The following SMARCA2 variants were observed in gnomAD, a reference collection of about 807,000 sequenced individuals.
SMARCA2 encodes the protein SWI/SNF-related matrix-associated actin-dependent regulator of chromatin subfamily A member 2.
Under a neutral mutation model 199.8 loss-of-function variants are expected in SMARCA2, and 61 were observed. The ratio of observed to expected loss-of-function variants is 0.31; its 90% confidence interval spans 0.25 to 0.38. SMARCA2 has a LOEUF of 0.38. Ranked by LOEUF, SMARCA2 falls within the 10% of genes least tolerant of loss-of-function variation. The pLI is 1.00. For synonymous variants in SMARCA2, 935 were observed against 732.0 expected (o/e 1.28, Z -4.48); for missense variants, 1,344 against 2,012.2 (o/e 0.67, Z 6.35).
At chr9:2,063,756 T>A (rs908999821) in intron 9 of SMARCA2, among the ~76,000 whole-genome samples, 2 of 150,926 alleles carry the variant, frequency 1.3e-5, no homozygotes, top group Non-Finnish European at 3.0e-5. Context: ...TTTTTTTAAT[T>A]CCCTAGAAGG....
chr9:2,114,037 G>A lies in SMARCA2; in HGVS notation c.3457-1785G>A, dbSNP rs936565390. ...AACGTTTACTATTGCGCCCATTTTA[G>A]AGACTGTTGGCCTCTGTTCCAGGAG... is the stretch of plus-strand genomic sequence containing the variant. On this transcript the variant is annotated intron_variant, in intron 24 of 33. Coordinates refer to ENST00000349721, the MANE Select transcript of SMARCA2 (RefSeq NM_003070.5). 6.0e-4 allele frequency among the ~76,000 whole-genome samples: 92 copies of A among 152,336 alleles called. 1 individual carries two copies. Among genetic ancestry groups the A allele is most frequent in the African/African-American group, 1.9e-3 (80 of 41,586 alleles).
At chr9:2,111,505 A>AAAAGAAAAGCAAAAAG in intron 24 of SMARCA2, among the ~76,000 whole-genome samples, 1 of 150,478 alleles carries the variant, frequency 6.6e-6, no homozygotes, top group Admixed American at 6.6e-5. Flanking sequence ...AAAAAAAAAA[A>AAAAGAAAAGCAAAAAG]AAAAAGAAAA....
intron 21 of SMARCA2, among the ~76,000 whole-genome samples, chr9:2,097,732 C>T (rs542915293): frequency 1.2e-3 from 178 of 152,248 alleles, no homozygotes; most frequent in African/African-American, 4.2e-3. Flanking sequence ...ATGCTATAAG[C>T]AGTGGCTCAC....
At chr9:2,176,508 C>G (rs1826615306) in intron 29 of SMARCA2, among the ~76,000 whole-genome samples, 1 of 152,008 alleles carries the variant, frequency 6.6e-6, no homozygotes, top group East Asian at 1.9e-4. Flanking sequence ...CTTGGTAACT[C>G]AGGGACATTA....
intron 27 of SMARCA2, among the ~76,000 whole-genome samples, chr9:2,128,102 G>A (rs1823776817): frequency 6.6e-6 from 1 of 152,126 alleles, no homozygotes; most frequent in African/African-American, 2.4e-5. Context: ...ATTCTGGGCT[G>A]TTTCTCTCTT....
intron 27 of SMARCA2, among the ~76,000 whole-genome samples, chr9:2,152,115 A>G (rs2376304): frequency 0.83 from 126,883 of 152,212 alleles, 53,165 homozygotes; most frequent in African/African-American, 0.91. Flanking sequence ...AATGTTAAAT[A>G]GTCTGATGAC....
At chr9:2,163,449 TC>T (rs1165017726) in intron 28 of SMARCA2, among the ~76,000 whole-genome samples, 2 of 152,184 alleles carry the variant, frequency 1.3e-5, no homozygotes, top group African/African-American at 4.8e-5. Context: ...CATGAAAACT[TC>T]CTTGTAAACC....
intron 27 of SMARCA2, among the ~76,000 whole-genome samples, chr9:2,154,897 C>A (rs1266313901): frequency 6.6e-6 from 1 of 152,166 alleles, no homozygotes; most frequent in Non-Finnish European, 1.5e-5. Flanking sequence ...GCTCAACAGA[C>A]AAGCGGATGG....
chr9:2,110,522 GT>G lies in SMARCA2; in HGVS notation c.3456+106del. On this transcript the variant is annotated intron_variant, in intron 24 of 33. Coordinates refer to ENST00000349721, the MANE Select transcript of SMARCA2 (RefSeq NM_003070.5). The surrounding 1 kb of genome is among the most constrained non-coding windows in gnomAD (Gnocchi z 4.8). ...CAGGACAGAGCAAATATCTAAACGAGTGGGCTGTTGCTTTCTTGGAGCCAAT... is the reference window on the plus strand; with the variant it reads ...CAGGACAGAGCAAATATCTAAACGAGGGGCTGTTGCTTTCTTGGAGCCAAT... 1.1e-6 allele frequency: 1 copy of G among 878,354 alleles called. No individual in the cohort carries two copies. The allele number at this position is 878,354 out of a possible 1,614,324, so 54.4% of individuals were successfully genotyped here.
intron 25 of SMARCA2, among the ~76,000 whole-genome samples, 176 bp downstream of exon 25, chr9:2,116,225 T>G (rs1156693031): frequency 6.6e-6 from 1 of 152,172 alleles, no homozygotes; most frequent in African/African-American, 2.4e-5. Flanking sequence ...CCAAAATGAG[T>G]GTCTTAAGAG....
rs559840754 is a variant in SMARCA2 at position 2,169,027 on chromosome 9, G to A, written c.4200-1392G>A. Among the ~76,000 whole-genome samples the A allele has an allele frequency of 6.6e-6, 1 of 152,298 alleles. No homozygotes were observed. Among genetic ancestry groups the A allele is most frequent in the African/African-American group, 2.4e-5 (1 of 41,562 alleles). On this transcript the variant is annotated intron_variant, in intron 28 of 33. Coordinates refer to ENST00000349721, the MANE Select transcript of SMARCA2 (RefSeq NM_003070.5). This position sits in a 1 kb window ranked among gnomAD's most constrained non-coding sequence, Gnocchi z 6.5. ...GATGACATGGTCTACTTAAGCTTCT[G>A]TGTCTCCTTGGTCAGCACCATCATT...
intron 14 of SMARCA2, 94 bp from the exon 15 acceptor site, chr9:2,081,738 G>A (rs969626986): frequency 6.6e-5 from 71 of 1,068,878 alleles, no homozygotes; most frequent in Non-Finnish European, 8.8e-5. Context: ...ATACAGCAGT[G>A]AGGAGTTAAG....
At chr9:2,190,201 G>T (rs1827780987) in intron 32 of SMARCA2, among the ~76,000 whole-genome samples, 1 of 152,172 alleles carries the variant, frequency 6.6e-6, no homozygotes, top group Non-Finnish European at 1.5e-5. Context: ...TCCTGTGAAG[G>T]TGGAAATGGG....
In SMARCA2 at chr9:2,073,703, C is replaced by G; in HGVS notation, c.1935+80C>G. The G allele has an allele frequency of 2.9e-6, 3 of 1,035,666 alleles. No individual in the cohort carries two copies. In the South Asian group the frequency reaches 4.1e-5, roughly 14 times the overall value. The allele number at this position is 1,035,666 out of a possible 1,614,324, so 64.2% of individuals were successfully genotyped here. A position where few individuals can be genotyped will look rare whatever the true frequency, so the allele number is the denominator to read the frequency against. ...AATTCTTCCTGAATGTAAGCCCGGG[C>G]CTTGGGTCCTTCTATCATTTCTTCC... On this transcript the variant is annotated intron_variant, in intron 12 of 33. Coordinates refer to ENST00000349721, the MANE Select transcript of SMARCA2 (RefSeq NM_003070.5).
chr9:2,146,546 G>C (rs376717617), intron 27 of SMARCA2, among the ~76,000 whole-genome samples: 1 of 152,148 alleles, frequency 6.6e-6, no homozygotes, highest in Non-Finnish European at 1.5e-5. Context: ...TCCCAAGAGA[G>C]GGTTCTTGAA....
At chr9:2,185,699 T>G (rs776179833) in intron 31 of SMARCA2, among the ~76,000 whole-genome samples, 2 of 152,206 alleles carry the variant, frequency 1.3e-5, no homozygotes, top group Non-Finnish European at 2.9e-5. Flanking sequence ...AACTCAGTAA[T>G]AAGGAATAGC....
chr9:2,170,598 T>A lies in SMARCA2; in HGVS notation c.4253+126T>A. On this transcript the variant is annotated intron_variant, in intron 29 of 33. Coordinates refer to ENST00000349721, the MANE Select transcript of SMARCA2 (RefSeq NM_003070.5). This position sits in a 1 kb window ranked among gnomAD's most constrained non-coding sequence, Gnocchi z 4.7. ...CGGTCACCTCCTGATCACCCCTACT[T>A]GGAGAGCGGGATAGAGGCACAGATA... is the stretch of plus-strand genomic sequence containing the variant. The A allele has an allele frequency of 6.8e-7, 1 of 1,479,468 alleles. No homozygotes were observed. Among genetic ancestry groups the A allele is most frequent in the Non-Finnish European group, 9.3e-7 (1 of 1,076,678 alleles). The allele number at this position is 1,479,468 out of a possible 1,614,324, so 91.6% of individuals were successfully genotyped here. A position where few individuals can be genotyped will look rare whatever the true frequency, so the allele number is the denominator to read the frequency against.
chr9:2,150,281 C>G (rs990671141), intron 27 of SMARCA2, among the ~76,000 whole-genome samples: 4 of 151,666 alleles, frequency 2.6e-5, no homozygotes, highest in Non-Finnish European at 4.4e-5. Context: ...TGGACATGTT[C>G]TTTCACACCT....
At chr9:2,137,424 C>T in intron 27 of SMARCA2, among the ~76,000 whole-genome samples, 1 of 152,094 alleles carries the variant, frequency 6.6e-6, no homozygotes, top group East Asian at 1.9e-4. Flanking sequence ...TGGATTCCCA[C>T]CTCCTTGCCT....
Sources: allele counts gnomAD v4.1 joint callset (sites outside exome capture counted in the v4.1 genomes callset), GRCh38; gene constraint gnomAD v4.1.1; non-coding constraint Gnocchi (gnomAD v3.1); transcripts MANE v1.5; gene names NCBI Gene and HGNC (gene_info 2026-07-23, HGNC 2026-07-21).